DCLK2: variants seen among roughly 807,000 people sequenced by gnomAD.
DCLK2 encodes the protein serine/threonine-protein kinase DCLK2.
Under a neutral mutation model 78.4 loss-of-function variants are expected in DCLK2, and 31 were observed. The observed-to-expected ratio is 0.40, with a 90% CI of 0.30 to 0.53. DCLK2 has a LOEUF of 0.53. Among genes scored for constraint, DCLK2 ranks in the 20% least tolerant of loss-of-function variants. DCLK2 has a pLI of 0.61. For missense variants in DCLK2, 872 were observed against 973.7 expected (o/e 0.90, Z 1.39); for synonymous variants, 407 against 374.9 (o/e 1.09, Z -0.99).
intron 1 of DCLK2, among the ~76,000 whole-genome samples, chr4:150,096,689 C>T (rs914001875): frequency 6.6e-6 from 1 of 152,162 alleles, no homozygotes; most frequent in African/African-American, 2.4e-5. Flanking sequence ...ACTGAAGACA[C>T]TGAGTGAAAT....
intron 2 of DCLK2, among the ~76,000 whole-genome samples, chr4:150,177,312 G>T (rs538668327): frequency 6.6e-6 from 1 of 151,488 alleles, no homozygotes; most frequent in East Asian, 1.9e-4. Context: ...TTTTTTTTCC[G>T]AGTTGATGCT....
At chr4:150,098,465 C>T (rs764649314) in intron 1 of DCLK2, among the ~76,000 whole-genome samples, 58 of 152,230 alleles carry the variant, frequency 3.8e-4, no homozygotes, top group Non-Finnish European at 2.9e-4. Flanking sequence ...GCTTTATCTA[C>T]TTATGAAAAA....
intron 2 of DCLK2, among the ~76,000 whole-genome samples, chr4:150,159,554 C>G (rs1264869638): frequency 6.6e-6 from 1 of 152,208 alleles, no homozygotes; most frequent in African/African-American, 2.4e-5. Flanking sequence ...TAGTGAAAAG[C>G]TGAGAGTGTG....
chr4:150,228,533 G>A (rs1257634569), intron 8 of DCLK2, among the ~76,000 whole-genome samples: 1 of 152,196 alleles, frequency 6.6e-6, no homozygotes, highest in African/African-American at 2.4e-5. Flanking sequence ...CTCAGTTCCA[G>A]AGGGTTAGAG....
At chr4:150,092,391 T>G (rs2150140885) in intron 1 of DCLK2, among the ~76,000 whole-genome samples, 1 of 152,286 alleles carries the variant, frequency 6.6e-6, no homozygotes, top group East Asian at 1.9e-4. Flanking sequence ...TCACACTGTT[T>G]CCATAGCAGC....
chr4:150,179,795 A>G (rs969248728), intron 2 of DCLK2, among the ~76,000 whole-genome samples: 12 of 152,196 alleles, frequency 7.9e-5, no homozygotes, highest in Non-Finnish European at 1.2e-4. Context: ...CCAACCTAAT[A>G]AAACCGTGAT....
intron 2 of DCLK2, among the ~76,000 whole-genome samples, chr4:150,186,151 C>G (rs769375608): frequency 3.3e-5 from 5 of 152,094 alleles, no homozygotes; most frequent in Non-Finnish European, 7.4e-5. Flanking sequence ...TAGAAGCAAA[C>G]AGTAAGAGGC....
At chr4:150,148,679 AC>A (rs1734655150) in intron 2 of DCLK2, among the ~76,000 whole-genome samples, 1 of 151,418 alleles carries the variant, frequency 6.6e-6, no homozygotes, top group African/African-American at 2.4e-5. Flanking sequence ...GTTTTACCTT[AC>A]CTATCTTGTA....
chr4:150,191,904 G>A (rs1043888175), intron 2 of DCLK2, among the ~76,000 whole-genome samples: 9 of 152,036 alleles, frequency 5.9e-5, no homozygotes, highest in African/African-American at 1.9e-4. Context: ...ATAGTGATTC[G>A]GAAAACTTAA....
chr4:150,216,436 G>A (rs550742677), intron 5 of DCLK2, among the ~76,000 whole-genome samples: 5 of 152,276 alleles, frequency 3.3e-5, no homozygotes, highest in Admixed American at 2.6e-4. Context: ...TCAGGAGTTC[G>A]AGACCAGCCT....
intron 6 of DCLK2, 64 bp from the exon 7 acceptor site, chr4:150,221,613 A>G (rs1305041526): frequency 9.8e-7 from 1 of 1,022,702 alleles, no homozygotes; most frequent in East Asian, 2.8e-5. Flanking sequence ...TATTTTACAA[A>G]TATGTAGGAA....
At chr4:150,095,165 G>A (rs116508099) in intron 1 of DCLK2, among the ~76,000 whole-genome samples, 2,156 of 152,278 alleles carry the variant, frequency 0.014, 25 homozygotes, top group Non-Finnish European at 0.024. Context: ...GAATTATGAA[G>A]TGAACCTCTT....
At chr4:150,089,061 C>T (rs981881539) in intron 1 of DCLK2, among the ~76,000 whole-genome samples, 1 of 152,188 alleles carries the variant, frequency 6.6e-6, no homozygotes, top group Non-Finnish European at 1.5e-5. Flanking sequence ...GCATGATACT[C>T]ATAGGGTAAT....
chr4:150,195,727 C>T (rs1238532576), intron 3 of DCLK2, among the ~76,000 whole-genome samples: 4 of 150,964 alleles, frequency 2.6e-5, no homozygotes, highest in South Asian at 2.1e-4. Flanking sequence ...CTACTTGGAT[C>T]GTTGGTAGTT....
intron 2 of DCLK2, chr4:150,175,779 G>A (rs1737044145): frequency 6.6e-6 from 1 of 152,240 alleles, no homozygotes; most frequent in African/African-American, 2.4e-5. Flanking sequence ...CTTGATTCCT[G>A]TAGCTCATTT....
chr4:150,112,818 GC>G (rs200739332), intron 2 of DCLK2, among the ~76,000 whole-genome samples: 4,163 of 91,926 alleles, frequency 0.045, 128 homozygotes, highest in Admixed American at 0.14. Context: ...TTCTTTCCCC[GC>G]CCCCCGCCCC....
chr4:150,232,592 A>T, intron 9 of DCLK2, 90 bp from the exon 10 acceptor site: 1 of 1,531,468 alleles, frequency 6.5e-7, no homozygotes, highest in Non-Finnish European at 8.9e-7. Flanking sequence ...CACTTGTGTC[A>T]TTCTCTGCTT....
At chr4:150,210,948 C>CAAAAA (rs1406606300) in intron 5 of DCLK2, among the ~76,000 whole-genome samples, 4 of 80,204 alleles carry the variant, frequency 5.0e-5, no homozygotes, top group South Asian at 4.9e-4. Context: ...GACTCTGTCT[C>CAAAAA]AAAAAAAAAA....
chr4:150,142,111 C>T (rs1448752044), intron 2 of DCLK2, among the ~76,000 whole-genome samples: 1 of 152,152 alleles, frequency 6.6e-6, no homozygotes, highest in Non-Finnish European at 1.5e-5. Context: ...ATGAACCTGT[C>T]ATTGTGAATG....
Sources: gnomAD v4.1 joint callset for allele counts (sites outside exome capture counted in the v4.1 genomes callset) on GRCh38, gnomAD v4.1.1 for gene constraint, MANE v1.5 for transcripts, NCBI Gene and HGNC (gene_info 2026-07-23, HGNC 2026-07-21) for gene names.